HUWE1: variants seen among roughly 807,000 people sequenced by gnomAD.
The protein encoded by HUWE1 is HECT, UBA and WWE domain containing E3 ubiquitin protein ligase 1.
Under a neutral mutation model 299.4 loss-of-function variants are expected in HUWE1, and 18 were observed. The observed-to-expected ratio is 0.06, with a 90% CI of 0.04 to 0.09. HUWE1 has a LOEUF of 0.09. Ranked by LOEUF, HUWE1 falls within the 10% of genes least tolerant of loss-of-function variation. The pLI, the probability that HUWE1 is intolerant of heterozygous loss-of-function variation, is 1.00. For synonymous variants in HUWE1, 1,317 were observed against 1,286.1 expected, an observed-to-expected ratio of 1.02 and a Z score of -0.51; for missense variants, 1,832 against 3,462.3, an observed-to-expected ratio of 0.53 and a Z score of 11.82.
Position 53,586,471 on chromosome X carries a change from T to C in HUWE1, c.4824+19A>G. 1 of 1,128,632 alleles carries C rather than the reference T, an allele frequency of 8.9e-7. No individual in the cohort carries two copies. The highest frequency in any genetic ancestry group is 1.2e-6 in the Non-Finnish European group (1 of 820,371). 93.0% of individuals were successfully genotyped at this position (1,128,632 alleles called of 1,213,427 possible). On this transcript the variant is annotated intron_variant, in intron 39 of 83. Transcript: ENST00000262854. The stretch of plus-strand genomic sequence containing the variant: ...AGGAAGCTAAACCGTCCTGCAGTCA[T>C]ACATACTACATTACACACCTTAGTC...
chrX:53,641,025 C>G (rs2067553312), intron 7 of HUWE1, among the ~76,000 whole-genome samples: 1 of 111,454 alleles, frequency 9.0e-6, no homozygotes, highest in South Asian at 3.7e-4. Flanking sequence ...TTAATGACTT[C>G]TAGGTCTGTT....
chrX:53,628,403 C>T (rs1046888285), intron 15 of HUWE1, 90 bp downstream of exon 15: 1 of 951,255 alleles, frequency 1.1e-6, no homozygotes, highest in African/African-American at 2.0e-5. Flanking sequence ...ATTATTTGCC[C>T]TCACTGTGAA....
At chrX:53,544,092 AG>A in intron 72 of HUWE1, 124 bp from the exon 73 acceptor site, 1 of 608,134 alleles carries the variant, frequency 1.6e-6, no homozygotes, top group Non-Finnish European at 2.6e-6. Context: ...GCTTTAGCTC[AG>A]GAAGCTTCAG....
chrX:53,603,735 TGAAA>T (rs1296970702), intron 26 of HUWE1, among the ~76,000 whole-genome samples: 1 of 112,106 alleles, frequency 8.9e-6, no homozygotes, highest in Non-Finnish European at 1.9e-5. Context: ...TTTTATAAAG[TGAAA>T]GAAAGGCATC....
chrX:53,660,645 G>C (rs2068952594), intron 3 of HUWE1, among the ~76,000 whole-genome samples: 2 of 111,880 alleles, frequency 1.8e-5, no homozygotes, highest in African/African-American at 3.3e-5. Flanking sequence ...TCTATAAAGG[G>C]AGACAAGAAT....
chrX:53,598,470 C>G, intron 29 of HUWE1, among the ~76,000 whole-genome samples: 1 of 111,171 alleles, frequency 9.0e-6, no homozygotes, highest in Non-Finnish European at 1.9e-5. Flanking sequence ...GACCAACATC[C>G]CCCCACTTCC....
rs2061214573 is a variant in HUWE1 at position 53,538,998 on chromosome X, C to T, written c.11715G>A (p.Glu3905=). The T allele has an allele frequency of 8.3e-7, 1 of 1,205,614 alleles. No homozygotes were observed. The highest frequency in any genetic ancestry group is 1.8e-5 in the South Asian group (1 of 56,183). Residue 3905 remains glutamate (E), a synonymous_variant, in exon 76 of 84, where the codon GAG becomes GAA. Transcript: ENST00000262854. ...CGTCCTTGATGTGTGCCAGCTGGCT[C>T]TCACGGGTGTCTCGGACAGGAGGCT... The part of the protein sequence containing the change: ...ESKPPVRDTR[E]SQLAHIKDEP...
intron 37 of HUWE1, among the ~76,000 whole-genome samples, chrX:53,587,433 G>A (rs1311726562): frequency 8.9e-6 from 1 of 112,348 alleles, no homozygotes; most frequent in Admixed American, 9.4e-5. Context: ...ACATTCAAAA[G>A]ATGGACTAAT....
chrX:53,538,753 C>T (rs1602506966), intron 76 of HUWE1, 82 bp downstream of exon 76: 1 of 915,752 alleles, frequency 1.1e-6, no homozygotes, highest in Non-Finnish European at 1.5e-6. Context: ...CTCTCTCTCT[C>T]ATCAACTAAG....
intron 3 of HUWE1, among the ~76,000 whole-genome samples, chrX:53,669,143 C>T (rs782037055): frequency 2.7e-5 from 3 of 112,369 alleles, no homozygotes; most frequent in African/African-American, 9.7e-5. Context: ...TGGCAGCAAA[C>T]TCTTTCCAGG....
intron 43 of HUWE1, 43 bp from the exon 44 acceptor site, chrX:53,577,110 G>A (rs967672723): frequency 9.9e-7 from 1 of 1,009,707 alleles, no homozygotes; most frequent in East Asian, 3.0e-5. Context: ...TCATGAAGCA[G>A]TACCTAAACT....
At chrX:53,555,849 C>G (rs1167632301) in intron 60 of HUWE1, among the ~76,000 whole-genome samples, 2 of 108,822 alleles carry the variant, frequency 1.8e-5, no homozygotes, top group Non-Finnish European at 3.8e-5. Context: ...GCCGTGTTGG[C>G]CAGGTTGGTC....
At chrX:53,595,515 CCTAGTTAACA>C (rs2064408268) in intron 29 of HUWE1, 112 bp from the exon 30 acceptor site, 1 of 606,777 alleles carries the variant, frequency 1.6e-6, no homozygotes, top group Non-Finnish European at 2.6e-6. Flanking sequence ...TCCTACAACC[CCTAGTTAACA>C]CTTGGATTTG....
chrX:53,677,765 A>C (rs2069906317), intron 3 of HUWE1, among the ~76,000 whole-genome samples: 1 of 111,478 alleles, frequency 9.0e-6, no homozygotes, highest in Admixed American at 9.5e-5. Flanking sequence ...TTCTGGGGCA[A>C]TTATCTCTGA....
At chrX:53,562,362 C>T in intron 53 of HUWE1, 118 bp from the exon 54 acceptor site, 1 of 942,478 alleles carries the variant, frequency 1.1e-6, no homozygotes, top group Non-Finnish European at 1.5e-6. Context: ...AGAGGAAGAA[C>T]CAGATCTGGG....
chrX:53,546,347 A>T (rs1159662705), intron 70 of HUWE1, 89 bp downstream of exon 70: 2 of 866,020 alleles, frequency 2.3e-6, no homozygotes, highest in Non-Finnish European at 3.4e-6. Flanking sequence ...TATCTGATTC[A>T]GCTTGGGGAT....
chrX:53,683,987 C>T (rs1223829958), intron 2 of HUWE1: 4 of 295,387 alleles, frequency 1.4e-5, no homozygotes, highest in Non-Finnish European at 1.2e-5. Flanking sequence ...CTACTGCAGT[C>T]AGTAACCGAG....
chrX:53,671,127 G>A (rs1178495135), intron 3 of HUWE1, among the ~76,000 whole-genome samples: 1 of 110,951 alleles, frequency 9.0e-6, no homozygotes, highest in East Asian at 2.8e-4. Context: ...GGGACTCAGG[G>A]GGAAAGGATG....
At chrX:53,570,727 T>TC (rs1449668876) in intron 47 of HUWE1, among the ~76,000 whole-genome samples, 1 of 112,752 alleles carries the variant, frequency 8.9e-6, no homozygotes, top group African/African-American at 3.2e-5. Context: ...CTATTGTCAT[T>TC]CAAGCAAATT....
Sources: allele counts gnomAD v4.1 joint callset (sites outside exome capture counted in the v4.1 genomes callset), GRCh38; gene constraint gnomAD v4.1.1; transcripts MANE v1.5; gene names NCBI Gene and HGNC (gene_info 2026-07-23, HGNC 2026-07-21).